LSS: variants seen among roughly 807,000 people sequenced by gnomAD.
LSS encodes the protein 2,3-epoxysqualene-lanosterol cyclase.
A neutral mutation model predicts 110.3 loss-of-function variants in LSS; 90 were observed. The ratio of observed to expected loss-of-function variants is 0.82; its 90% confidence interval spans 0.69 to 0.97. LSS has a LOEUF of 0.97. LSS is among the 50% of genes least tolerant of loss of function. LSS has a pLI of 0.00. For synonymous variants in LSS, 433 were observed against 400.0 expected (o/e 1.08, Z -0.98); for missense variants, 927 against 990.0 (o/e 0.94, Z 0.85).
Position 46,210,887 on chromosome 21 carries a change from G to A in LSS, c.1138-143C>T, listed in dbSNP as rs552702015. The A allele has an allele frequency of 4.2e-5, 31 of 732,896 alleles. No individual in the cohort carries two copies. The South Asian group carries it at 4.5e-4, about 11-fold the overall frequency. The allele number at this position is 732,896 out of a possible 1,614,324, so 45.4% of individuals were successfully genotyped here. A position where few individuals can be genotyped will look rare whatever the true frequency, so the allele number is the denominator to read the frequency against. ...CTCAGCCTCAGGCTCTGAGCCCTGG[G>A]CACCCCTCATGGCTGACAAGGGCCT... On this transcript the variant is annotated intron_variant, in intron 11 of 21. Coordinates refer to ENST00000397728, the MANE Select transcript of LSS (RefSeq NM_002340.6).
At chr21:46,221,112 G>A (rs1419583404) in intron 5 of LSS, among the ~76,000 whole-genome samples, 2 of 145,724 alleles carry the variant, frequency 1.4e-5, no homozygotes, top group Non-Finnish European at 3.0e-5. Flanking sequence ...GGGGCTTGGA[G>A]AGGTGGACAG....
rs75693792 is a variant in LSS, at chr21:46,212,616, C to T, written c.1137+409G>A. Among the ~76,000 whole-genome samples the T allele has an allele frequency of 3.7e-3, 564 of 152,332 alleles. 14 individuals are homozygous for T. The South Asian group carries it at 0.054, about 15-fold the overall frequency. ...TCCCAGGCCCGGCCACACGCCACCA[C>T]GGTCCTCCAGGCTCCTGTCCTGTCC... On this transcript the variant is annotated intron_variant, in intron 11 of 21. Coordinates refer to ENST00000397728, the MANE Select transcript of LSS (RefSeq NM_002340.6).
intron 3 of LSS, 166 bp downstream of exon 3, chr21:46,227,386 A>T: frequency 1.3e-6 from 1 of 780,696 alleles, no homozygotes; most frequent in Non-Finnish European, 2.0e-6. Flanking sequence ...CTGATCCCCT[A>T]GACCAATAGC....
chr21:46,202,967 C>T (rs987489676), intron 17 of LSS, among the ~76,000 whole-genome samples: 2 of 152,216 alleles, frequency 1.3e-5, no homozygotes, highest in African/African-American at 4.8e-5. Flanking sequence ...TGCTCCCCTG[C>T]GGGCCACATC....
At position 46,216,330 on chromosome 21, in the gene LSS, C is replaced by T; in HGVS notation, c.783+59G>A. ...CAGGTGTGGTTAGATTCCAGAAGCC[C>T]CAGGCCCTGTGGGTCCCAGCCCCAG... is the stretch of plus-strand genomic sequence containing the variant. On this transcript the variant is annotated intron_variant, in intron 7 of 21. Transcript: ENST00000397728. The surrounding 1 kb of genome is among the most constrained non-coding windows in gnomAD (Gnocchi z 4.2). The T allele has an allele frequency of 6.2e-7, 1 of 1,608,918 alleles. No homozygotes were observed. Among genetic ancestry groups the T allele is most frequent in the Non-Finnish European group, 8.5e-7 (1 of 1,177,606 alleles).
At chr21:46,227,348 G>A in intron 3 of LSS, 1 of 595,802 alleles carries the variant, frequency 1.7e-6, no homozygotes. Context: ...TTATCAGAGA[G>A]CCTGTCACCC....
At chr21:46,205,789 C>T in intron 17 of LSS, 47 bp downstream of exon 17, 5 of 1,465,348 alleles carry the variant, frequency 3.4e-6, no homozygotes, top group East Asian at 2.4e-5. Context: ...TGGGTCTTGG[C>T]CCCCGACTTG....
chr21:46,220,093 T>C (rs1043795899), intron 5 of LSS, among the ~76,000 whole-genome samples: 6 of 152,198 alleles, frequency 3.9e-5, no homozygotes, highest in Non-Finnish European at 5.9e-5. Context: ...GCTGGCCCCA[T>C]GCCAGAGCCA....
intron 3 of LSS, among the ~76,000 whole-genome samples, chr21:46,226,229 C>T (rs992391035): frequency 2.6e-5 from 4 of 152,124 alleles, no homozygotes; most frequent in African/African-American, 9.7e-5. Context: ...GCAGCAAGAA[C>T]AAACAACACA....
intron 2 of LSS, among the ~76,000 whole-genome samples, chr21:46,227,954 C>T (rs1215630696): frequency 1.3e-5 from 2 of 152,352 alleles, no homozygotes; most frequent in East Asian, 1.9e-4. Context: ...ATAAACCAGG[C>T]ACCCAGACTG....
At chr21:46,222,822 C>T (rs1402732380) in intron 3 of LSS, 84 bp from the exon 4 acceptor site, 3 of 979,900 alleles carry the variant, frequency 3.1e-6, no homozygotes, top group African/African-American at 1.6e-5. Context: ...GAGCACCTCA[C>T]TCCAACAGGG....
intron 21 of LSS, 81 bp downstream of exon 21, chr21:46,191,800 C>T: frequency 8.2e-7 from 1 of 1,212,684 alleles, no homozygotes. Context: ...AAAAAGGACA[C>T]AGAGCAGGGG....
At chr21:46,200,719 G>A (rs986482917) in intron 17 of LSS, among the ~76,000 whole-genome samples, 16 of 151,964 alleles carry the variant, frequency 1.1e-4, no homozygotes, top group African/African-American at 3.9e-4. Context: ...CAGTGAGAAG[G>A]GTAAGGAAAA....
At position 46,216,596 on chromosome 21, in the gene LSS, T is replaced by C. The variant is rs1199640275; in HGVS notation, c.648-72A>G. The C allele has an allele frequency of 6.9e-7, 1 of 1,459,444 alleles. No individual in the cohort carries two copies. The highest frequency in any genetic ancestry group is 9.1e-7 in the Non-Finnish European group (1 of 1,101,360). 90.4% of individuals were successfully genotyped at this position (1,459,444 alleles called of 1,614,324 possible). A position where few individuals can be genotyped will look rare whatever the true frequency, so the allele number is the denominator to read the frequency against. On this transcript the variant is annotated intron_variant, in intron 6 of 21. Transcript: ENST00000397728. This position sits in a 1 kb window ranked among gnomAD's most constrained non-coding sequence, Gnocchi z 4.2. ...GCCCCCTCCGCCAGCATCCATACCT[T>C]GGGCCCTTTCAAGCACGAACACTGG...
Position 46,195,757 on chromosome 21 carries a change from C to T in LSS, c.1737-1G>A. 6.2e-7 allele frequency: 1 copy of T among 1,613,516 alleles called. No homozygotes were observed. Among genetic ancestry groups the T allele is most frequent in the Non-Finnish European group, 8.5e-7 (1 of 1,179,790 alleles). ...GTAGGTGAAGCAAACTCCCCAGGAG[C>T]TGGAGGGAAACAGGGAGAGCCTCAG... On this transcript the variant is annotated splice_acceptor_variant, in intron 18 of 21. Coordinates refer to ENST00000397728, the MANE Select transcript of LSS (RefSeq NM_002340.6). LOFTEE classifies it high-confidence loss of function.
In LSS at chr21:46,221,951, C is replaced by T; in HGVS notation, c.453G>A (p.Val151=). The change falls in exon 5 of 22, where the codon GTG becomes GTA. Residue 151 remains valine, a synonymous_variant. Transcript: ENST00000397728. ...WGLHIEDKST[V]FGTALNYVSL... is the part of the protein sequence containing the mutation. The stretch of plus-strand genomic sequence containing the variant: ...ACACATAGTTGAGCGCAGTCCCAAA[C>T]ACGGTGGACTTATCCTCAATGTGCC... 6.2e-7 allele frequency: 1 copy of T among 1,614,226 alleles called. No homozygotes were observed.
chr21:46,227,039 A>G (rs896169644), intron 3 of LSS, among the ~76,000 whole-genome samples: 1 of 152,228 alleles, frequency 6.6e-6, no homozygotes, highest in Non-Finnish European at 1.5e-5. Flanking sequence ...GGATTTCTGT[A>G]GAGAAACACT....
rs1301266484 is a variant in LSS, at chr21:46,196,262, G to T, written c.1676C>A (p.Thr559Asn). ...PEHRAAEIRE[T>N]LTQGLEFCRR... is the part of the protein sequence containing the mutation. ...ACAGAACTCTAAGCCCTGCGTGAGG[G>T]TCTCCCTGGAACACGAGATTGGTCC... The change falls in exon 18 of 22, where the codon ACC (threonine) becomes AAC (asparagine). Residue 559 changes from threonine to asparagine, a missense_variant. Transcript: ENST00000397728. 2 of 1,614,074 alleles carry T rather than the reference G, an allele frequency of 1.2e-6. No homozygotes were observed. Among genetic ancestry groups the T allele is most frequent in the Admixed American group, 1.7e-5 (1 of 60,022 alleles).
intron 17 of LSS, among the ~76,000 whole-genome samples, chr21:46,197,584 C>T (rs2079925312): frequency 6.6e-6 from 1 of 152,136 alleles, no homozygotes; most frequent in East Asian, 1.9e-4. Context: ...ATGCAAAACT[C>T]CAAATTAAAA....
Sources: gnomAD v4.1 joint callset for allele counts (sites outside exome capture counted in the v4.1 genomes callset) on GRCh38, gnomAD v4.1.1 for gene constraint, Gnocchi (gnomAD v3.1) non-coding constraint, MANE v1.5 for transcripts, NCBI Gene and HGNC (gene_info 2026-07-23, HGNC 2026-07-21) for gene names.